The following RBM19 variants were observed in gnomAD, a reference collection of about 807,000 sequenced individuals.
RBM19 encodes probable RNA-binding protein 19.
A neutral mutation model predicts 116.8 loss-of-function variants in RBM19; 94 were observed. The ratio of observed to expected loss-of-function variants is 0.80; its 90% CI spans 0.68 to 0.95. RBM19 has a LOEUF of 0.95. Among genes scored for constraint, RBM19 ranks in the 40% least tolerant of loss-of-function variants. The pLI is 0.00. For missense variants in RBM19, 1,161 were observed against 1,220.7 expected, an observed-to-expected ratio of 0.95 and a Z score of 0.73; for synonymous variants, 475 against 494.1, an observed-to-expected ratio of 0.96 and a Z score of 0.51.
intron 21 of RBM19, among the ~76,000 whole-genome samples, chr12:113,868,285 CAG>C (rs1878980829): frequency 6.6e-6 from 1 of 152,224 alleles, no homozygotes; most frequent in African/African-American, 2.4e-5. Flanking sequence ...TGTTGCCTCA[CAG>C]TAGACGGGGT....
At chr12:113,907,725 T>G (rs1419499012) in intron 21 of RBM19, among the ~76,000 whole-genome samples, 1 of 152,204 alleles carries the variant, frequency 6.6e-6, no homozygotes, top group Admixed American at 6.5e-5. Flanking sequence ...TTCCCAGTGC[T>G]CTGTGAGGAC....
In RBM19 at chr12:113,903,200, C is replaced by T. The variant is rs1486974766; in HGVS notation, c.2558+11769G>A. Among the ~76,000 whole-genome samples the T allele has an allele frequency of 1.3e-5, 2 of 152,162 alleles. No homozygotes were observed. The highest frequency in any genetic ancestry group is 4.8e-5 in the African/African-American group (2 of 41,434). ...TCCAAGGATGCTCAAGTCCCTTCTG[C>T]ATTATTTTCGATCTGTGGTTGGTGG... On this transcript the variant is annotated intron_variant, in intron 21 of 23. Transcript: ENST00000261741. The surrounding 1 kb of genome is among the most constrained non-coding windows in gnomAD (Gnocchi z 5.1).
intron 14 of RBM19, 55 bp from the exon 15 acceptor site, chr12:113,940,215 C>G: frequency 1.9e-6 from 3 of 1,546,390 alleles, no homozygotes; most frequent in Middle Eastern, 2.1e-4. Context: ...GGGTCCCCAG[C>G]TGACACCAGC....
intron 16 of RBM19, among the ~76,000 whole-genome samples, chr12:113,934,610 A>AC (rs1869889510): frequency 6.6e-6 from 1 of 152,208 alleles, no homozygotes; most frequent in South Asian, 2.1e-4. Context: ...TGGCCATTCC[A>AC]GGGGCAGAGT....
intron 16 of RBM19, among the ~76,000 whole-genome samples, chr12:113,933,675 G>T (rs1052300126): frequency 1.3e-5 from 2 of 152,190 alleles, no homozygotes; most frequent in African/African-American, 4.8e-5. Context: ...CGGGCAGGGG[G>T]TGGGAAAACA....
At chr12:113,949,664 G>C (rs186520318) in intron 9 of RBM19, among the ~76,000 whole-genome samples, 1 of 152,122 alleles carries the variant, frequency 6.6e-6, no homozygotes, top group Non-Finnish European at 1.5e-5. Flanking sequence ...GAATTTGCAC[G>C]TGCTGTTCCC....
chr12:113,952,323 ACT>A (rs1459408294), intron 8 of RBM19, among the ~76,000 whole-genome samples, 187 bp downstream of exon 8: 2 of 152,218 alleles, frequency 1.3e-5, no homozygotes, highest in Non-Finnish European at 2.9e-5. Context: ...ATCCCTATAC[ACT>A]AGGCCACCAA....
chr12:113,936,844 C>T, intron 16 of RBM19, 163 bp downstream of exon 16: 1 of 900,052 alleles, frequency 1.1e-6, no homozygotes, highest in South Asian at 2.2e-5. Flanking sequence ...CTGTTTTTTA[C>T]AGGACATGCC....
At chr12:113,820,750 T>C (rs1189896423), downstream of RBM19, among the ~76,000 whole-genome samples, 2 of 152,240 alleles carry the variant, frequency 1.3e-5, no homozygotes, top group South Asian at 4.2e-4. Flanking sequence ...AAACAGTGCG[T>C]GCCTGGGGCA....
rs920168376 is a variant in RBM19 at position 113,891,774 on chromosome 12, C to T, written c.2558+23195G>A. 5.9e-5 allele frequency among the ~76,000 whole-genome samples: 9 copies of T among 152,154 alleles called. No individual in the cohort carries two copies. In the South Asian group the frequency reaches 6.2e-4, roughly 10 times the overall value. ...GGGATGAAAAAAGATAAAACTTTTG[C>T]GAACACGCCTCTGTTAAAGGGACTT... On this transcript the variant is annotated intron_variant, in intron 21 of 23. Transcript: ENST00000261741.
At chr12:113,872,394 G>C (rs1197207885) in intron 21 of RBM19, among the ~76,000 whole-genome samples, 2 of 146,752 alleles carry the variant, frequency 1.4e-5, no homozygotes, top group Non-Finnish European at 3.0e-5. Context: ...GGAGGGAGGT[G>C]GGGGGGTCAG....
intron 21 of RBM19, among the ~76,000 whole-genome samples, chr12:113,890,540 C>T (rs780577594): frequency 2.0e-4 from 31 of 152,208 alleles, no homozygotes; most frequent in Admixed American, 2.0e-4. Flanking sequence ...GAGTGGAACA[C>T]GCTGCCGATC....
At chr12:113,819,009 C>T (rs2135668190), downstream of RBM19, among the ~76,000 whole-genome samples, 1 of 152,366 alleles carries the variant, frequency 6.6e-6, no homozygotes, top group South Asian at 2.1e-4. Context: ...CCTGGAGTTT[C>T]TCTTCTACCA....
intron 21 of RBM19, among the ~76,000 whole-genome samples, chr12:113,871,030 T>C (rs1026605829): frequency 3.9e-5 from 6 of 152,158 alleles, no homozygotes; most frequent in Non-Finnish European, 4.4e-5. Flanking sequence ...ACAAATGGAA[T>C]GTGAGGCAAT....
intron 21 of RBM19, among the ~76,000 whole-genome samples, chr12:113,899,257 T>C (rs985688343): frequency 1.3e-5 from 2 of 152,216 alleles, no homozygotes; most frequent in Admixed American, 6.5e-5. Flanking sequence ...GCAGCAGGGC[T>C]GGGAGTCACA....
chr12:113,876,883 T>C (rs1386438654), intron 21 of RBM19, among the ~76,000 whole-genome samples: 1 of 152,220 alleles, frequency 6.6e-6, no homozygotes, highest in Non-Finnish European at 1.5e-5. Context: ...ACTTTGGGAT[T>C]ACATGTGGGG....
intron 1 of RBM19, 124 bp from the exon 2 acceptor site, chr12:113,962,538 T>G (rs1344105407): frequency 6.6e-6 from 6 of 911,504 alleles, no homozygotes; most frequent in Non-Finnish European, 1.6e-6. Flanking sequence ...AGGGGCAGAG[T>G]GTACTTTTCT....
chr12:113,917,001 T>C (rs1882811842), intron 20 of RBM19, among the ~76,000 whole-genome samples: 1 of 152,248 alleles, frequency 6.6e-6, no homozygotes, highest in Admixed American at 6.5e-5. Context: ...TAAATAGCCA[T>C]GTGTGGCAAT....
Position 113,960,110 on chromosome 12 carries a change from T to C in RBM19, c.288A>G (p.Pro96=). ...PRAWSKHAQK[P]SQPKQPPKDS... is the part of the protein sequence containing the mutation. ...CTTTTGGAGGCTGCTTGGGCTGGCT[T>C]GGTTTCTGGGCATGTTTGCTCCAGG... is the stretch of plus-strand genomic sequence containing the variant. The change falls in exon 3 of 24, where the codon CCA becomes CCG. Residue 96 remains proline (P), a synonymous_variant. Coordinates refer to ENST00000261741, the MANE Select transcript of RBM19 (RefSeq NM_016196.4). 6.2e-7 allele frequency: 1 copy of C among 1,614,194 alleles called. No homozygotes were observed.
Sources: allele counts gnomAD v4.1 joint callset (sites outside exome capture counted in the v4.1 genomes callset), GRCh38; gene constraint gnomAD v4.1.1; non-coding constraint Gnocchi (gnomAD v3.1); transcripts MANE v1.5; gene names NCBI Gene and HGNC (gene_info 2026-07-23, HGNC 2026-07-21).